The following PLCE1 variants were observed in gnomAD, a reference collection of about 807,000 sequenced individuals.
PLCE1 encodes 1-phosphatidylinositol 4,5-bisphosphate phosphodiesterase epsilon-1.
A neutral mutation model predicts 242.8 loss-of-function variants in PLCE1; 119 were observed. The observed-to-expected ratio is 0.49, with a 90% CI of 0.42 to 0.57. The LOEUF (loss-of-function observed/expected upper bound fraction) is 0.57, where lower values mean the gene tolerates loss of function less well. Ranked by LOEUF, PLCE1 falls within the 20% of genes least tolerant of loss-of-function variation. The pLI is 0.00. For synonymous variants in PLCE1, 945 were observed against 1,017.4 expected (o/e 0.93, Z 1.35); for missense variants, 2,441 against 2,788.8 (o/e 0.88, Z 2.81).
intron 3 of PLCE1, among the ~76,000 whole-genome samples, chr10:94,167,671 C>A (rs12249216): frequency 9.2e-6 from 1 of 109,218 alleles, no homozygotes; most frequent in African/African-American, 3.5e-5. Flanking sequence ...CCTCCCCCCT[C>A]CCCCCACCCC....
Position 94,254,283 on chromosome 10 carries a change from G to A in PLCE1, c.3373G>A (p.Asp1125Asn), listed in dbSNP as rs867256208. The A allele has an allele frequency of 3.1e-6, 5 of 1,612,700 alleles. No homozygotes were observed. The highest frequency in any genetic ancestry group is 4.2e-6 in the Non-Finnish European group (5 of 1,178,848). Residue 1125 changes from aspartate to asparagine, a missense_variant, in exon 10 of 33, where the codon GAC becomes AAC. Transcript: ENST00000371380. ...AAGCCGGAGTGGTTCTGATCCTCAAGACATTAATGAACAAGAAGAATCAGG... is the reference window on the plus strand; with the variant it reads ...AAGCCGGAGTGGTTCTGATCCTCAAAACATTAATGAACAAGAAGAATCAGG... ...CRSRSGSDPQDINEQEESEVN... is the reference protein window; with the variant it reads ...CRSRSGSDPQNINEQEESEVN...
At chr10:94,117,572 G>A (rs2046172513) in intron 2 of PLCE1, among the ~76,000 whole-genome samples, 1 of 152,092 alleles carries the variant, frequency 6.6e-6, no homozygotes, top group Non-Finnish European at 1.5e-5. Context: ...ATCAGTTCAA[G>A]GAATATTTCA....
intron 3 of PLCE1, among the ~76,000 whole-genome samples, chr10:94,160,747 T>C (rs1231829019): frequency 1.3e-5 from 2 of 151,324 alleles, no homozygotes; most frequent in East Asian, 3.9e-4. Flanking sequence ...GTTTTTATGG[T>C]TTTAGGTCTT....
At chr10:94,100,093 T>C (rs756310365) in intron 2 of PLCE1, 3 of 152,210 alleles carry the variant, frequency 2.0e-5, no homozygotes, top group Non-Finnish European at 4.4e-5. Flanking sequence ...GTTACTAAAC[T>C]TCTTTGCATC....
intron 1 of PLCE1, among the ~76,000 whole-genome samples, chr10:94,021,231 G>GT (rs34518277): frequency 2.2e-3 from 270 of 121,244 alleles, no homozygotes; most frequent in Middle Eastern, 4.1e-3. Flanking sequence ...CTTCTTAATG[G>GT]TTTTTTTTTT....
chr10:94,119,669 C>T (rs2046244539), intron 2 of PLCE1, among the ~76,000 whole-genome samples: 1 of 152,074 alleles, frequency 6.6e-6, no homozygotes, highest in South Asian at 2.1e-4. Context: ...CTAAGACCCT[C>T]CTCTGTGTAT....
At chr10:94,115,597 C>T (rs1289591566) in intron 2 of PLCE1, among the ~76,000 whole-genome samples, 1 of 152,158 alleles carries the variant, frequency 6.6e-6, no homozygotes, top group Admixed American at 6.5e-5. Context: ...ATCCTTCGCC[C>T]ACTTGTTGAT....
chr10:94,268,878 G>T, intron 16 of PLCE1, 51 bp from the exon 17 acceptor site: 2 of 1,028,630 alleles, frequency 1.9e-6, no homozygotes, highest in Middle Eastern at 2.1e-4. Flanking sequence ...TTAGTTCGAG[G>T]CTTTATCTCC....
chr10:94,148,781 C>A (rs1037811590), intron 3 of PLCE1, among the ~76,000 whole-genome samples: 2 of 152,180 alleles, frequency 1.3e-5, no homozygotes, highest in Non-Finnish European at 2.9e-5. Context: ...ATATGTTCAG[C>A]AAAGCGTAGA....
chr10:94,095,181 C>T (rs1734206288), intron 2 of PLCE1, among the ~76,000 whole-genome samples: 1 of 152,192 alleles, frequency 6.6e-6, no homozygotes, highest in African/African-American at 2.4e-5. Flanking sequence ...TGGCCACATA[C>T]TGGGTCAGCC....
chr10:94,266,014 C>A lies in PLCE1; in HGVS notation c.4281+56C>A, dbSNP rs2051501803. The A allele has an allele frequency of 3.2e-6, 5 of 1,559,670 alleles. No homozygotes were observed. The East Asian group carries it at 9.0e-5, about 28-fold the overall frequency. ...TTATTAAACCTAATTATTTATGTAA[C>A]CCCCAAAGTCAAAAAAACCTGACCC... On this transcript the variant is annotated intron_variant, in intron 16 of 32. Transcript: ENST00000371380.
intron 1 of PLCE1, among the ~76,000 whole-genome samples, chr10:94,018,509 A>G (rs139918900): frequency 1.2e-3 from 186 of 152,296 alleles, no homozygotes; most frequent in Admixed American, 3.0e-3. Flanking sequence ...TTCCCAGGGC[A>G]GGTCCTCTTC....
At chr10:94,164,472 G>C (rs960305690) in intron 3 of PLCE1, among the ~76,000 whole-genome samples, 1 of 152,106 alleles carries the variant, frequency 6.6e-6, no homozygotes. Context: ...CATTCATCAC[G>C]TAGTTCTCGT....
chr10:94,097,533 C>A lies in PLCE1; in HGVS notation c.1207-34641C>A, dbSNP rs554619073. ...CCTTCCCTTTGAGCTTCCAGTCTAG[C>A]TGTGACCAGACTTATTCTGAAATGA... On this transcript the variant is annotated intron_variant, in intron 2 of 32. Transcript: ENST00000371380. 2.6e-5 allele frequency among the ~76,000 whole-genome samples: 4 copies of A among 152,276 alleles called. No individual in the cohort carries two copies. The East Asian group carries it at 7.7e-4, about 29-fold the overall frequency.
At chr10:94,010,529 G>C (rs2061148925) in intron 1 of PLCE1, among the ~76,000 whole-genome samples, 1 of 152,166 alleles carries the variant, frequency 6.6e-6, no homozygotes, top group African/African-American at 2.4e-5. Context: ...ACATGGCCAG[G>C]CTGTGAATTT....
chr10:94,058,252 G>A (rs1430920989), intron 2 of PLCE1, among the ~76,000 whole-genome samples: 1 of 152,110 alleles, frequency 6.6e-6, no homozygotes, highest in Non-Finnish European at 1.5e-5. Flanking sequence ...AGCTCTTATT[G>A]GCATGTATAT....
At chr10:94,327,147 C>T (rs763565280) in intron 32 of PLCE1, among the ~76,000 whole-genome samples, 8 of 152,040 alleles carry the variant, frequency 5.3e-5, no homozygotes, top group Admixed American at 2.0e-4. Context: ...AGCGACAGAG[C>T]GAGACTCCGT....
intron 7 of PLCE1, among the ~76,000 whole-genome samples, chr10:94,236,515 T>C (rs2050330109): frequency 6.6e-6 from 1 of 152,200 alleles, no homozygotes; most frequent in Admixed American, 6.5e-5. Context: ...GGTATTAAGA[T>C]ATTTTTAAAT....
chr10:94,183,460 C>T (rs2048373299), intron 4 of PLCE1, among the ~76,000 whole-genome samples: 1 of 152,200 alleles, frequency 6.6e-6, no homozygotes, highest in African/African-American at 2.4e-5. Flanking sequence ...TCTCCCTCCA[C>T]ACCATTCACA....
Sources: allele counts gnomAD v4.1 joint callset (sites outside exome capture counted in the v4.1 genomes callset), GRCh38; gene constraint gnomAD v4.1.1; transcripts MANE v1.5; gene names NCBI Gene and HGNC (gene_info 2026-07-23, HGNC 2026-07-21).